Variants in UBE3C observed in about 807,000 individuals in gnomAD.
UBE3C encodes the protein ubiquitin-protein ligase E3C.
In UBE3C, 42 loss-of-function variants were observed where a neutral mutation model predicts 129.4. That is an observed-to-expected ratio of 0.32 (90% confidence interval 0.25 to 0.42). The LOEUF (loss-of-function observed/expected upper bound fraction) is 0.42. Among genes scored for constraint, UBE3C ranks in the 10% least tolerant of loss-of-function variants. The pLI is 1.00. For synonymous variants in UBE3C, 510 were observed against 492.4 expected (o/e 1.04, Z -0.47); for missense variants, 1,049 against 1,319.1 (o/e 0.80, Z 3.17).
At chr7:157,248,745 C>A in intron 19 of UBE3C, 165 bp downstream of exon 19, 2 of 703,442 alleles carry the variant, frequency 2.8e-6, no homozygotes, top group Non-Finnish European at 2.3e-6. Flanking sequence ...AGCACCTTAG[C>A]CCTGGCGTCT....
intron 22 of UBE3C, among the ~76,000 whole-genome samples, chr7:157,258,083 G>A (rs754926438): frequency 6.6e-6 from 1 of 151,760 alleles, no homozygotes; most frequent in Middle Eastern, 3.4e-3. Context: ...AAGTAGCTGT[G>A]ACTACAGGCA....
intron 21 of UBE3C, among the ~76,000 whole-genome samples, chr7:157,256,370 C>T (rs1218687329): frequency 1.3e-5 from 2 of 151,954 alleles, no homozygotes; most frequent in African/African-American, 2.4e-5. Flanking sequence ...CTCGAACTCC[C>T]GACCTCAAGT....
chr7:157,191,430 G>A (rs539265447), intron 10 of UBE3C, among the ~76,000 whole-genome samples: 7 of 152,254 alleles, frequency 4.6e-5, no homozygotes, highest in Non-Finnish European at 5.9e-5. Context: ...TAGCTGGGAC[G>A]ATAGGCGTGC....
At chr7:157,182,376 T>C (rs1164354222) in intron 8 of UBE3C, 48 bp downstream of exon 8, 12 of 1,580,804 alleles carry the variant, frequency 7.6e-6, no homozygotes, top group South Asian at 3.4e-5. Context: ...ATGGGTAGCA[T>C]TGGCAGATGA....
chr7:157,180,420 G>T (rs940303148), intron 6 of UBE3C, among the ~76,000 whole-genome samples: 1 of 152,146 alleles, frequency 6.6e-6, no homozygotes, highest in Admixed American at 6.5e-5. Context: ...AGTTTCACTA[G>T]TTATCAGTAT....
intron 1 of UBE3C, among the ~76,000 whole-genome samples, chr7:157,157,082 A>G (rs948807025): frequency 6.6e-6 from 1 of 152,210 alleles, no homozygotes; most frequent in African/African-American, 2.4e-5. Context: ...CTAATTCACA[A>G]TTATGAATAT....
At chr7:157,242,353 T>C (rs1278182866) in intron 18 of UBE3C, among the ~76,000 whole-genome samples, 1 of 151,570 alleles carries the variant, frequency 6.6e-6, no homozygotes, top group Admixed American at 6.6e-5. Flanking sequence ...GAAGGCATCA[T>C]TGTCCTCAAA....
intron 1 of UBE3C, among the ~76,000 whole-genome samples, chr7:157,155,076 CTGA>C (rs1807864952): frequency 6.6e-6 from 1 of 152,110 alleles, no homozygotes; most frequent in East Asian, 1.9e-4. Flanking sequence ...TTTTTAGTGG[CTGA>C]TGATGATGCA....
chr7:157,223,574 G>C (rs1412930968), intron 16 of UBE3C, among the ~76,000 whole-genome samples: 1 of 13,560 alleles, frequency 7.4e-5, no homozygotes, highest in Non-Finnish European at 1.1e-4. Flanking sequence ...TTGAAAGCCA[G>C]TAAACACTAT....
intron 11 of UBE3C, among the ~76,000 whole-genome samples, chr7:157,204,756 A>G (rs1357779945): frequency 1.3e-5 from 2 of 152,224 alleles, no homozygotes; most frequent in Admixed American, 6.5e-5. Context: ...ACAACATAAC[A>G]TAGAGATGCT....
At chr7:157,190,275 C>A (rs945188806) in intron 10 of UBE3C, among the ~76,000 whole-genome samples, 1 of 152,132 alleles carries the variant, frequency 6.6e-6, no homozygotes, top group Non-Finnish European at 1.5e-5. Context: ...TCTGTCCCCT[C>A]CCAGGGTCTG....
At chr7:157,150,972 G>A (rs1267834695) in intron 1 of UBE3C, among the ~76,000 whole-genome samples, 4 of 152,220 alleles carry the variant, frequency 2.6e-5, no homozygotes, top group African/African-American at 4.8e-5. Flanking sequence ...GTTCTCGGCC[G>A]CTTGCGGGGC....
At chr7:157,250,884 G>A (rs1005528745) in intron 19 of UBE3C, among the ~76,000 whole-genome samples, 4 of 152,116 alleles carry the variant, frequency 2.6e-5, no homozygotes, top group East Asian at 1.9e-4. Flanking sequence ...TTGCTAATGC[G>A]AGTATTTCCC....
At chr7:157,163,949 T>G in intron 2 of UBE3C, 86 bp downstream of exon 2, 1 of 1,226,386 alleles carries the variant, frequency 8.2e-7, no homozygotes, top group Non-Finnish European at 1.2e-6. Context: ...TATATGTATG[T>G]GTGTATGTAT....
chr7:157,197,169 A>G (rs1459535099), intron 10 of UBE3C, among the ~76,000 whole-genome samples: 3 of 152,246 alleles, frequency 2.0e-5, no homozygotes, highest in Admixed American at 1.3e-4. Context: ...GACACTTTTC[A>G]GTATTTACTA....
intron 1 of UBE3C, among the ~76,000 whole-genome samples, chr7:157,146,569 T>TG (rs762504001): frequency 2.8e-4 from 43 of 152,324 alleles, no homozygotes; most frequent in South Asian, 8.3e-4. Flanking sequence ...TCTCCTCCAT[T>TG]GATCTCTCTC....
intron 10 of UBE3C, chr7:157,192,469 A>C: frequency 4.4e-5 from 32 of 729,756 alleles, no homozygotes; most frequent in East Asian, 7.8e-5. Flanking sequence ...AGGATAAGGA[A>C]GGAATTCCTC....
intron 18 of UBE3C, 160 bp downstream of exon 18, chr7:157,231,487 G>T (rs902933555): frequency 9.7e-7 from 1 of 1,025,792 alleles, no homozygotes. Flanking sequence ...TTGTATGGTT[G>T]TAAGTAGGTG....
At chr7:157,172,096 G>A (rs973797494) in intron 4 of UBE3C, among the ~76,000 whole-genome samples, 1 of 150,818 alleles carries the variant, frequency 6.6e-6, no homozygotes. Flanking sequence ...GTAGTGGTGC[G>A]ATCTCAGCTC....
Sources: gnomAD v4.1 joint callset for allele counts (sites outside exome capture counted in the v4.1 genomes callset) on GRCh38, gnomAD v4.1.1 for gene constraint, MANE v1.5 for transcripts, NCBI Gene and HGNC (gene_info 2026-07-23, HGNC 2026-07-21) for gene names.